Variants in VAV1 observed in about 807,000 individuals in gnomAD.
VAV1 encodes proto-oncogene vav.
In VAV1, 33 loss-of-function variants were observed where a neutral mutation model predicts 128.1. That is an observed-to-expected ratio of 0.26 (90% CI 0.20 to 0.34). The LOEUF (loss-of-function observed/expected upper bound fraction) is 0.34. Among genes scored for constraint, VAV1 ranks in the 10% least tolerant of loss-of-function variants. The pLI, the probability that VAV1 is intolerant of heterozygous loss-of-function variation, is 1.00. For missense variants in VAV1, 715 were observed against 1,093.7 expected (o/e 0.65, Z 4.88); for synonymous variants, 394 against 409.8 (o/e 0.96, Z 0.47).
intron 26 of VAV1, among the ~76,000 whole-genome samples, chr19:6,856,449 C>T (rs889695440): frequency 1.3e-5 from 2 of 150,478 alleles, no homozygotes; most frequent in African/African-American, 4.9e-5. Context: ...GGTCCAGGCA[C>T]GGTGGCTCAT....
intron 21 of VAV1, 138 bp from the exon 22 acceptor site, chr19:6,842,997 A>T: frequency 3.3e-6 from 3 of 899,730 alleles, no homozygotes; most frequent in Non-Finnish European, 5.4e-6. Context: ...CCCAGTGAGT[A>T]CCACAGTGCC....
At chr19:6,837,535 C>G (rs1474246698) in intron 21 of VAV1, among the ~76,000 whole-genome samples, 1 of 152,052 alleles carries the variant, frequency 6.6e-6, no homozygotes, top group Admixed American at 6.6e-5. Context: ...ACCTCAGACA[C>G]CCCCTACCTC....
rs376668788 is a variant in VAV1, at chr19:6,828,593, G to A, written c.1093-29G>A. On this transcript the variant is annotated intron_variant, in intron 11 of 26. Coordinates refer to ENST00000602142, the MANE Select transcript of VAV1 (RefSeq NM_005428.4). This position sits in a 1 kb window ranked among gnomAD's most constrained non-coding sequence, Gnocchi z 4.5. ...TAGGAGCCTGGGTCGGCTGTTGGGGGGCCAGGTTCACCCCTGCCCCCTCCC... is the reference window on the plus strand; with the variant it reads ...TAGGAGCCTGGGTCGGCTGTTGGGGAGCCAGGTTCACCCCTGCCCCCTCCC... 11 of 1,613,502 alleles carry A rather than the reference G, an allele frequency of 6.8e-6. No individual in the cohort carries two copies. Among genetic ancestry groups the A allele is most frequent in the Non-Finnish European group, 7.6e-6 (9 of 1,179,734 alleles).
intron 22 of VAV1, among the ~76,000 whole-genome samples, chr19:6,846,053 A>G (rs527447069): frequency 1.3e-5 from 2 of 148,870 alleles, no homozygotes; most frequent in African/African-American, 4.9e-5. Context: ...ATTATATATT[A>G]TGTATAATTA....
chr19:6,784,125 A>G (rs1970832165), intron 1 of VAV1: 1 of 456,370 alleles, frequency 2.2e-6, no homozygotes, highest in African/African-American at 2.0e-5. Flanking sequence ...ATGGTGGTGC[A>G]CGCCTATAGT....
At chr19:6,812,461 C>A (rs921794508) in intron 1 of VAV1, among the ~76,000 whole-genome samples, 3 of 152,122 alleles carry the variant, frequency 2.0e-5, no homozygotes, top group Non-Finnish European at 2.9e-5. Context: ...TCAAGACCAG[C>A]CTGGCCAACA....
intron 1 of VAV1, among the ~76,000 whole-genome samples, chr19:6,774,407 T>C (rs1364845999): frequency 6.8e-6 from 1 of 146,230 alleles, no homozygotes; most frequent in East Asian, 2.0e-4. Context: ...GGATTACAGG[T>C]GTGAGCCACC....
chr19:6,774,053 C>T (rs1164075162), intron 1 of VAV1, among the ~76,000 whole-genome samples: 1 of 152,118 alleles, frequency 6.6e-6, no homozygotes, highest in East Asian at 1.9e-4. Flanking sequence ...ATGGGGGTTC[C>T]TGGCGGGTGG....
chr19:6,824,105 A>G (rs1483518305), intron 6 of VAV1, among the ~76,000 whole-genome samples: 1 of 151,416 alleles, frequency 6.6e-6, no homozygotes, highest in Admixed American at 6.6e-5. Flanking sequence ...ACCCTGCTTA[A>G]TTCTTTAATT....
At chr19:6,815,365 C>T (rs1224484901) in intron 1 of VAV1, among the ~76,000 whole-genome samples, 2 of 152,056 alleles carry the variant, frequency 1.3e-5, no homozygotes, top group South Asian at 2.1e-4. Context: ...TGGTCCCAAA[C>T]CCCTGACCTC....
At chr19:6,831,290 C>A (rs1972047739) in intron 14 of VAV1, among the ~76,000 whole-genome samples, 1 of 152,004 alleles carries the variant, frequency 6.6e-6, no homozygotes, top group Non-Finnish European at 1.5e-5. Flanking sequence ...CCCTGGAGTT[C>A]CCCCTGTGCT....
intron 20 of VAV1, 150 bp from the exon 21 acceptor site, chr19:6,836,833 GAC>G (rs60215253): frequency 0.013 from 11,576 of 867,554 alleles, 60 homozygotes; most frequent in African/African-American, 0.04. Context: ...CAGAGAGATG[GAC>G]ACACACACAC....
At chr19:6,774,159 A>G (rs1736773260) in intron 1 of VAV1, among the ~76,000 whole-genome samples, 1 of 151,838 alleles carries the variant, frequency 6.6e-6, no homozygotes. Flanking sequence ...ACGGAGTCTC[A>G]CTCTGTCACG....
chr19:6,781,609 ATTT>A (rs5826948), intron 1 of VAV1, among the ~76,000 whole-genome samples: 34,794 of 141,514 alleles, frequency 0.25, 4,515 homozygotes, highest in African/African-American at 0.39. Flanking sequence ...TCTCTTACTG[ATTT>A]TTTTTTTTTT....
chr19:6,780,042 C>T lies in VAV1; in HGVS notation c.204+7031C>T, dbSNP rs181899065. 2.2e-4 allele frequency among the ~76,000 whole-genome samples: 32 copies of T among 147,822 alleles called. 1 individual carries two copies. In the East Asian group the frequency reaches 3.9e-3, roughly 18 times the overall value. Reference sequence around the variant, plus strand: ...AGGAGAATGGCATGAACCTGGGAGGCGGAGCTTGCAGTGAGCCGAGATCAG... The same window carrying T: ...AGGAGAATGGCATGAACCTGGGAGGTGGAGCTTGCAGTGAGCCGAGATCAG... On this transcript the variant is annotated intron_variant, in intron 1 of 26. Coordinates refer to ENST00000602142, the MANE Select transcript of VAV1 (RefSeq NM_005428.4).
chr19:6,798,243 C>CTCCA (rs1971185253), intron 1 of VAV1, among the ~76,000 whole-genome samples: 1 of 152,116 alleles, frequency 6.6e-6, no homozygotes, highest in African/African-American at 2.4e-5. Context: ...CATCATTGCA[C>CTCCA]TCCAGCCTGG....
At chr19:6,776,185 CAT>C in intron 1 of VAV1, among the ~76,000 whole-genome samples, 1 of 150,180 alleles carries the variant, frequency 6.7e-6, no homozygotes, top group African/African-American at 2.5e-5. Context: ...TCCATCCATC[CAT>C]CCATCCACTC....
chr19:6,773,875 C>T (rs192479324), intron 1 of VAV1, among the ~76,000 whole-genome samples: 4 of 151,972 alleles, frequency 2.6e-5, no homozygotes, highest in African/African-American at 7.2e-5. Context: ...GGGGACGGGG[C>T]GGGGCTGGTG....
chr19:6,772,912 G>A lies in VAV1; in HGVS notation c.105G>A (p.Gln35=). Residue 35 remains glutamine (Q), a synonymous_variant, in exon 1 of 27, where the codon CAG becomes CAA. Transcript: ENST00000602142. The surrounding 1 kb of genome is among the most constrained non-coding windows in gnomAD (Gnocchi z 4.8). ...GGGCTCAGGTGTGTGAACTGGCCCA[G>A]GCCCTCCGGGATGGTGTCCTTCTGT... ...WDGAQVCELA[Q]ALRDGVLLCQ... is the part of the protein sequence containing the mutation. 6.2e-7 allele frequency: 1 copy of A among 1,614,150 alleles called. No homozygotes were observed. The highest frequency in any genetic ancestry group is 8.5e-7 in the Non-Finnish European group (1 of 1,179,992).
Sources: gnomAD v4.1 joint callset for allele counts (sites outside exome capture counted in the v4.1 genomes callset) on GRCh38, gnomAD v4.1.1 for gene constraint, Gnocchi (gnomAD v3.1) non-coding constraint, MANE v1.5 for transcripts, NCBI Gene and HGNC (gene_info 2026-07-23, HGNC 2026-07-21) for gene names.